PDSS2: variants seen among roughly 807,000 people sequenced by gnomAD.
PDSS2 encodes decaprenyl diphosphate synthase subunit 2, also known as all trans-polyprenyl-diphosphate synthase PDSS2.
Under a neutral mutation model 44.5 loss-of-function variants are expected in PDSS2, and 31 were observed. That is an observed-to-expected ratio of 0.70 (90% CI 0.52 to 0.94). The LOEUF (loss-of-function observed/expected upper bound fraction) is 0.94. PDSS2 is among the 40% of genes least tolerant of loss of function. PDSS2 has a pLI of 0.00. For synonymous variants in PDSS2, 157 were observed against 180.3 expected (o/e 0.87, Z 1.03); for missense variants, 452 against 482.2 (o/e 0.94, Z 0.59).
chr6:107,169,064 C>A (rs1445977724), intron 7 of PDSS2, among the ~76,000 whole-genome samples: 1 of 152,116 alleles, frequency 6.6e-6, no homozygotes, highest in African/African-American at 2.4e-5. Flanking sequence ...TAATATCCTG[C>A]AGAGTGTTTT....
At chr6:107,437,333 T>TG (rs2114785207) in intron 1 of PDSS2, among the ~76,000 whole-genome samples, 1 of 152,212 alleles carries the variant, frequency 6.6e-6, no homozygotes, top group Admixed American at 6.5e-5. Context: ...ACCAGCAGCC[T>TG]GGCCAACATG....
At chr6:107,412,005 T>C (rs319063) in intron 1 of PDSS2, among the ~76,000 whole-genome samples, 126,967 of 150,244 alleles carry the variant, frequency 0.85, 53,885 homozygotes, top group Middle Eastern at 0.89. Flanking sequence ...CCTGCCTCAG[T>C]CTCCTGAGTA....
chr6:107,264,218 T>A, intron 3 of PDSS2: 1 of 1,172,294 alleles, frequency 8.5e-7, no homozygotes, highest in Non-Finnish European at 1.1e-6. Flanking sequence ...ACTATATAGA[T>A]GGTGTAAAGG....
At chr6:107,155,161 A>T (rs1421971235) in intron 7 of PDSS2, among the ~76,000 whole-genome samples, 54 of 142,840 alleles carry the variant, frequency 3.8e-4, no homozygotes, top group African/African-American at 1.4e-3. Flanking sequence ...TTTTTTTTTT[A>T]AAGAGATGGA....
intron 1 of PDSS2, among the ~76,000 whole-genome samples, chr6:107,450,896 T>C (rs1049635388): frequency 1.3e-5 from 2 of 152,240 alleles, no homozygotes; most frequent in Non-Finnish European, 2.9e-5. Flanking sequence ...AATGGCACGA[T>C]CATGGCTCAC....
chr6:107,334,658 A>C (rs1777822894), intron 1 of PDSS2, among the ~76,000 whole-genome samples: 2 of 149,934 alleles, frequency 1.3e-5, no homozygotes, highest in Admixed American at 6.7e-5. Flanking sequence ...CTCCCACCTC[A>C]GTCTCCCTAG....
At chr6:107,155,705 A>G (rs6926738) in intron 7 of PDSS2, among the ~76,000 whole-genome samples, 1,875 of 146,510 alleles carry the variant, frequency 0.013, 41 homozygotes, top group African/African-American at 0.045. Context: ...TCAGCCTCCT[A>G]AGTAGCTGGG....
chr6:107,445,022 T>A (rs1314793405), intron 1 of PDSS2, among the ~76,000 whole-genome samples: 1 of 152,082 alleles, frequency 6.6e-6, no homozygotes, highest in Non-Finnish European at 1.5e-5. Context: ...GCCTTACTAC[T>A]CAAAGAATCA....
intron 2 of PDSS2, among the ~76,000 whole-genome samples, chr6:107,309,464 CT>C (rs1562452358): frequency 6.6e-6 from 1 of 152,204 alleles, no homozygotes; most frequent in Non-Finnish European, 1.5e-5. Context: ...ACCCATTTGG[CT>C]TCTCTTTAAG....
chr6:107,325,769 A>G (rs767889964), intron 2 of PDSS2, among the ~76,000 whole-genome samples: 2 of 152,140 alleles, frequency 1.3e-5, no homozygotes, highest in Non-Finnish European at 2.9e-5. Context: ...TTCCCGATTT[A>G]TAAGATTTTC....
intron 1 of PDSS2, among the ~76,000 whole-genome samples, chr6:107,381,511 T>C (rs1741948947): frequency 6.6e-6 from 1 of 152,214 alleles, no homozygotes; most frequent in Admixed American, 6.5e-5. Flanking sequence ...AATTGAAGCA[T>C]TAAATTCATT....
At chr6:107,286,875 C>A (rs1393080487) in intron 2 of PDSS2, among the ~76,000 whole-genome samples, 1 of 151,880 alleles carries the variant, frequency 6.6e-6, no homozygotes, top group African/African-American at 2.4e-5. Flanking sequence ...CCCGGTTCTA[C>A]TAAAAATAGA....
chr6:107,190,000 T>C (rs868168169), intron 7 of PDSS2, among the ~76,000 whole-genome samples: 5 of 151,902 alleles, frequency 3.3e-5, no homozygotes, highest in African/African-American at 1.2e-4. Flanking sequence ...AAGAGGATCA[T>C]TTGAGCCCAG....
intron 1 of PDSS2, among the ~76,000 whole-genome samples, chr6:107,373,890 G>C (rs1380357888): frequency 6.6e-6 from 1 of 152,134 alleles, no homozygotes; most frequent in African/African-American, 2.4e-5. Context: ...GGACAACAGG[G>C]AAACACCTCT....
At chr6:107,313,375 C>G (rs933281184) in intron 2 of PDSS2, among the ~76,000 whole-genome samples, 1 of 152,130 alleles carries the variant, frequency 6.6e-6, no homozygotes, top group Admixed American at 6.5e-5. Flanking sequence ...TTTATTGAGA[C>G]AGAGTCTTGC....
intron 1 of PDSS2, among the ~76,000 whole-genome samples, chr6:107,403,196 G>A (rs1341518247): frequency 6.6e-6 from 1 of 152,170 alleles, no homozygotes; most frequent in Non-Finnish European, 1.5e-5. Flanking sequence ...AGGAGCTACA[G>A]GCCCCATGCA....
At chr6:107,194,185 A>G (rs1226047476) in intron 6 of PDSS2, among the ~76,000 whole-genome samples, 1 of 152,220 alleles carries the variant, frequency 6.6e-6, no homozygotes, top group Non-Finnish European at 1.5e-5. Context: ...TAATGAACTC[A>G]CAATAATGCC....
At chr6:107,305,718 T>C (rs572112825) in intron 2 of PDSS2, among the ~76,000 whole-genome samples, 35 of 152,088 alleles carry the variant, frequency 2.3e-4, no homozygotes, top group Non-Finnish European at 4.9e-4. Flanking sequence ...TAATGTCTTC[T>C]TTTTTTTGCT....
chr6:107,333,379 T>C (rs1777772184), intron 2 of PDSS2, among the ~76,000 whole-genome samples: 1 of 152,196 alleles, frequency 6.6e-6, no homozygotes, highest in South Asian at 2.1e-4. Flanking sequence ...AAGTTTATTT[T>C]ATATGCAGCA....
Sources: gnomAD v4.1 joint callset for allele counts (sites outside exome capture counted in the v4.1 genomes callset) on GRCh38, gnomAD v4.1.1 for gene constraint, MANE v1.5 for transcripts, NCBI Gene and HGNC (gene_info 2026-07-23, HGNC 2026-07-21) for gene names.